Variants in RPA1 observed in about 807,000 individuals in gnomAD.
RPA1 encodes replication protein A 70 kDa DNA-binding subunit.
Under a neutral mutation model 83.0 loss-of-function variants are expected in RPA1, and 49 were observed. That is an observed-to-expected ratio of 0.59 (90% CI 0.47 to 0.75). RPA1 has a LOEUF of 0.75. Among genes scored for constraint, RPA1 ranks in the 30% least tolerant of loss-of-function variants. The pLI is 0.00. For missense variants in RPA1, 693 were observed against 776.1 expected (o/e 0.89, Z 1.27); for synonymous variants, 279 against 281.8 (o/e 0.99, Z 0.10).
intron 1 of RPA1, among the ~76,000 whole-genome samples, chr17:1,840,833 G>GAGGCGGGCAGATCACCAGAGGTC (rs1912019342): frequency 6.6e-6 from 1 of 152,112 alleles, no homozygotes; most frequent in African/African-American, 2.4e-5. Flanking sequence ...TTGGGAGGCT[G>GAGGCGGGCAGATCACCAGAGGTC]AGGCGGGCAG....
In RPA1 at chr17:1,831,755, C is replaced by G. The variant is rs190033029; in HGVS notation, c.33+1629C>G. On this transcript the variant is annotated intron_variant, in intron 1 of 16. Transcript: ENST00000254719. ...CTGGGACTACAGGTACCCGCCACCA[C>G]GCCCGGCTAATTTTTTGTATTTTTT... 1.6e-4 allele frequency among the ~76,000 whole-genome samples: 24 copies of G among 151,648 alleles called. No individual in the cohort carries two copies. The East Asian group carries it at 4.1e-3, about 26-fold the overall frequency.
chr17:1,892,395 T>G (rs574238763), intron 15 of RPA1, among the ~76,000 whole-genome samples: 1 of 152,350 alleles, frequency 6.6e-6, no homozygotes, highest in South Asian at 2.1e-4. Flanking sequence ...GATAATTATT[T>G]AAGAGCTCAT....
At chr17:1,893,640 A>C (rs996314831) in intron 15 of RPA1, among the ~76,000 whole-genome samples, 2 of 152,100 alleles carry the variant, frequency 1.3e-5, no homozygotes, top group Admixed American at 1.3e-4. Flanking sequence ...GCATCTTTAT[A>C]CAAACTATAT....
chr17:1,858,899 A>C (rs543424884), intron 5 of RPA1, among the ~76,000 whole-genome samples: 83 of 78,854 alleles, frequency 1.1e-3, no homozygotes, highest in African/African-American at 3.0e-3. Flanking sequence ...ATTTATTTTT[A>C]TTTTATTTTT....
rs541775608 is a variant in RPA1 at position 1,877,128 on chromosome 17, G to A, written c.588-84G>A. ...TTGGAAAACGGAATATGCGTAAGAC[G>A]AGAAAGGCTGTAGGAAGATGATTTC... On this transcript the variant is annotated intron_variant, in intron 7 of 16. Transcript: ENST00000254719. 3.3e-5 allele frequency: 43 copies of A among 1,300,440 alleles called. No individual in the cohort carries two copies. The Middle Eastern group carries it at 5.5e-4, about 17-fold the overall frequency. 80.6% of individuals were successfully genotyped at this position (1,300,440 alleles called of 1,614,324 possible).
In RPA1 at chr17:1,857,646, A is replaced by G. The variant is rs1246712852; in HGVS notation, c.361+4457A>G. Among the ~76,000 whole-genome samples the G allele has an allele frequency of 1.4e-4, 18 of 132,692 alleles. No homozygotes were observed. In the East Asian group the frequency reaches 4.5e-3, roughly 33 times the overall value. The allele number at this position is 132,692 out of a possible 152,430, so 87.1% of individuals were successfully genotyped here. ...GGTAGTGGCACCCAAAGCCTCACCA[A>G]CCCACCCCCCACCCGGCCCGTCCCC... On this transcript the variant is annotated intron_variant, in intron 5 of 16. Transcript: ENST00000254719.
intron 5 of RPA1, among the ~76,000 whole-genome samples, chr17:1,857,355 G>A (rs1287430651): frequency 2.0e-5 from 3 of 149,026 alleles, no homozygotes; most frequent in African/African-American, 5.0e-5. Flanking sequence ...ATAAAATTAA[G>A]AGGCTTTTCT....
At chr17:1,863,304 C>T (rs1041287960) in intron 5 of RPA1, among the ~76,000 whole-genome samples, 36 of 151,936 alleles carry the variant, frequency 2.4e-4, no homozygotes, top group African/African-American at 6.8e-4. Context: ...CTCCACCTCC[C>T]GGGCTCAAGC....
intron 1 of RPA1, among the ~76,000 whole-genome samples, chr17:1,834,316 C>T (rs1375418538): frequency 6.6e-6 from 1 of 152,166 alleles, no homozygotes; most frequent in Non-Finnish European, 1.5e-5. Context: ...CTCAGCTTCC[C>T]AAAGTGCTGT....
chr17:1,838,307 A>T (rs1019515591), intron 1 of RPA1, among the ~76,000 whole-genome samples: 1 of 150,812 alleles, frequency 6.6e-6, no homozygotes, highest in Non-Finnish European at 1.5e-5. Flanking sequence ...ATAATTAAAT[A>T]AATAAAATAA....
intron 15 of RPA1, among the ~76,000 whole-genome samples, chr17:1,893,202 A>AC (rs1295967273): frequency 6.6e-6 from 1 of 152,170 alleles, no homozygotes; most frequent in African/African-American, 2.4e-5. Flanking sequence ...GTCTGTTTTT[A>AC]CCTGGTCTTC....
rs1425951125 is a variant in RPA1, at chr17:1,875,669, GT to G, written c.466del (p.Ser156LeufsTer69). On this transcript the variant is annotated frameshift_variant, in exon 7 of 17. Transcript: ENST00000254719. LOFTEE classifies it high-confidence loss of function. ...QNGSSGMGST[V>X]SKAYGASKTF... The stretch of plus-strand genomic sequence containing the variant: ...TGCGTTTGTTTTTAAAGGTTCTACT[GT>G]TTCTAAGGCTTATGGTGCTTCAAAG... The G allele has an allele frequency of 8.7e-6, 14 of 1,612,634 alleles. No homozygotes were observed. The highest frequency in any genetic ancestry group is 1.2e-5 in the Non-Finnish European group (14 of 1,179,578).
chr17:1,878,027 T>G (rs1913634146), intron 8 of RPA1, among the ~76,000 whole-genome samples: 1 of 152,176 alleles, frequency 6.6e-6, no homozygotes, highest in African/African-American at 2.4e-5. Flanking sequence ...GGTCAGGAGT[T>G]CGAGACCAGC....
At chr17:1,887,804 A>G (rs555941254) in intron 13 of RPA1, among the ~76,000 whole-genome samples, 1 of 151,788 alleles carries the variant, frequency 6.6e-6, no homozygotes, top group African/African-American at 2.4e-5. Flanking sequence ...CAGGAGAATC[A>G]CTTGAACCTG....
rs528421624 is a variant in RPA1, at chr17:1,872,635, G to C, written c.454+109G>C. ...AGTTTTCCAAATGCCATTCATTACA[G>C]GGTTGTGTCTTGGAAAGAATAATTC... On this transcript the variant is annotated intron_variant, in intron 6 of 16. Coordinates refer to ENST00000254719, the MANE Select transcript of RPA1 (RefSeq NM_002945.5). 1.5e-5 allele frequency: 21 copies of C among 1,445,048 alleles called. No individual in the cohort carries two copies. The African/African-American group carries it at 2.7e-4, about 18-fold the overall frequency. 89.5% of individuals were successfully genotyped at this position (1,445,048 alleles called of 1,614,324 possible).
chr17:1,844,097 C>G (rs1019523013), intron 3 of RPA1, 99 bp downstream of exon 3: 13 of 981,528 alleles, frequency 1.3e-5, no homozygotes, highest in East Asian at 5.1e-5. Context: ...TCGTGAAGTC[C>G]GTACTTGCTT....
chr17:1,855,928 T>C (rs4281767), intron 5 of RPA1, among the ~76,000 whole-genome samples: 29,563 of 152,020 alleles, frequency 0.19, 3,182 homozygotes, highest in East Asian at 0.41. Flanking sequence ...GATTATGTGC[T>C]TCAAGGAATT....
At chr17:1,838,767 A>G (rs1468887082) in intron 1 of RPA1, among the ~76,000 whole-genome samples, 2 of 152,172 alleles carry the variant, frequency 1.3e-5, no homozygotes, top group East Asian at 3.8e-4. Context: ...TTTTTTAAAT[A>G]CAGATATTCA....
rs563462427 is a variant in RPA1 at position 1,839,306 on chromosome 17, C to A, written c.34-3497C>A. Among the ~76,000 whole-genome samples the A allele has an allele frequency of 4.6e-5, 7 of 151,998 alleles. No homozygotes were observed. In the South Asian group the frequency reaches 1.5e-3, roughly 32 times the overall value. ...ATCTTGAAATCTGGCATTGTAAATTCTCCAGCTTCATTTTTATTTTTTATT... is the reference window on the plus strand; with the variant it reads ...ATCTTGAAATCTGGCATTGTAAATTATCCAGCTTCATTTTTATTTTTTATT... On this transcript the variant is annotated intron_variant, in intron 1 of 16. Transcript: ENST00000254719.
Sources: gnomAD v4.1 joint callset for allele counts (sites outside exome capture counted in the v4.1 genomes callset) on GRCh38, gnomAD v4.1.1 for gene constraint, MANE v1.5 for transcripts, NCBI Gene and HGNC (gene_info 2026-07-23, HGNC 2026-07-21) for gene names.